SANBR: variants seen among roughly 807,000 people sequenced by gnomAD.
The protein encoded by SANBR is SANT and BTB domain regulator of CSR.
A neutral mutation model predicts 101.8 loss-of-function variants in SANBR; 77 were observed. That is an observed-to-expected ratio of 0.76 (90% CI 0.63 to 0.91). SANBR has a LOEUF of 0.91. SANBR is among the 40% of genes least tolerant of loss of function. The pLI, the probability that SANBR is intolerant of heterozygous loss-of-function variation, is 0.00. For synonymous variants in SANBR, 279 were observed against 274.7 expected (o/e 1.02, Z -0.15); for missense variants, 875 against 853.0 (o/e 1.03, Z -0.32).
At chr2:61,076,017 G>A (rs1353324510) in intron 5 of SANBR, among the ~76,000 whole-genome samples, 9 of 150,732 alleles carry the variant, frequency 6.0e-5, no homozygotes, top group African/African-American at 1.7e-4. Flanking sequence ...ATTTAGAGAC[G>A]GAGTCTTGCT....
rs1488133206 is a variant in SANBR, at chr2:61,083,142, A to G, written c.730-12A>G. ...CTACTATTTTCGACATTTATTTTCT[A>G]TGATTTTTTAGGTTGAACAGTGTAT... On this transcript the variant is annotated splice_polypyrimidine_tract_variant and intron_variant, in intron 7 of 21. Coordinates refer to ENST00000402291, the MANE Select transcript of SANBR (RefSeq NM_001129993.3). The G allele has an allele frequency of 3.8e-6, 6 of 1,588,778 alleles. No individual in the cohort carries two copies. In the Admixed American group the frequency reaches 5.2e-5, roughly 14 times the overall value.
In SANBR at chr2:61,121,251, C is replaced by T; in HGVS notation, c.2095C>T (p.Gln699Ter). ...GGCCTCAGTGCCAGTTAGTGCACGC[C>T]AAAGCAGCTCAGAGAAAAACACAAG... ...IKASVPVSAR[Q>*]SSSEKNTRSK... is the part of the protein sequence containing the mutation. The change falls in exon 21 of 22, where the codon CAA (glutamine) becomes TAA (stop). Residue 699 changes from glutamine (Q) to a stop codon, truncating the protein, a stop_gained. Coordinates refer to ENST00000402291, the MANE Select transcript of SANBR (RefSeq NM_001129993.3). LOFTEE classifies it high-confidence loss of function. The T allele has an allele frequency of 6.4e-7, 1 of 1,550,866 alleles. No homozygotes were observed. Among genetic ancestry groups the T allele is most frequent in the African/African-American group, 1.4e-5 (1 of 73,104 alleles).
chr2:61,072,960 G>A (rs1403866783), intron 4 of SANBR, among the ~76,000 whole-genome samples: 2 of 150,552 alleles, frequency 1.3e-5, no homozygotes, highest in Non-Finnish European at 2.9e-5. Flanking sequence ...CTGAGCAGCT[G>A]GAACTACACG....
chr2:61,079,842 G>A (rs1681999991), intron 6 of SANBR, among the ~76,000 whole-genome samples: 1 of 151,824 alleles, frequency 6.6e-6, no homozygotes. Context: ...AGAGGTTGCA[G>A]TGAGCAGAGA....
chr2:61,127,210 C>T (rs539786453), downstream of SANBR, among the ~76,000 whole-genome samples: 1 of 152,318 alleles, frequency 6.6e-6, no homozygotes, highest in Admixed American at 6.5e-5. Context: ...GCAGCTGACA[C>T]TAAAAACCTT....
chr2:61,127,984 T>C (rs952062194), downstream of SANBR, among the ~76,000 whole-genome samples: 2 of 152,144 alleles, frequency 1.3e-5, no homozygotes, highest in Non-Finnish European at 2.9e-5. Context: ...GAAAAATCCT[T>C]ACTTATGGCC....
At chr2:61,100,707 AC>A (rs1341475879) in intron 12 of SANBR, among the ~76,000 whole-genome samples, 3 of 152,154 alleles carry the variant, frequency 2.0e-5, no homozygotes, top group African/African-American at 7.2e-5. Flanking sequence ...AAGGGGGAAG[AC>A]AGAAGGTTCC....
rs781357989 is a variant in SANBR, at chr2:61,088,249, T to C, written c.977+4T>C. 1.3e-6 allele frequency: 2 copies of C among 1,599,546 alleles called. No individual in the cohort carries two copies. Among genetic ancestry groups the C allele is most frequent in the East Asian group, 4.5e-5 (2 of 44,666 alleles). ...GTAATGCAGCAACATTGTATAGGTATGCTAACATGTTTTTTTCTTTGGTGT... is the reference window on the plus strand; with the variant it reads ...GTAATGCAGCAACATTGTATAGGTACGCTAACATGTTTTTTTCTTTGGTGT... On this transcript the variant is annotated splice_donor_region_variant and intron_variant, in intron 9 of 21. Transcript: ENST00000402291.
intron 6 of SANBR, among the ~76,000 whole-genome samples, chr2:61,080,472 C>A (rs1682053526): frequency 6.6e-6 from 1 of 152,064 alleles, no homozygotes; most frequent in Non-Finnish European, 1.5e-5. Context: ...CCTGTAATCC[C>A]AGCACTTTGG....
intron 11 of SANBR, among the ~76,000 whole-genome samples, chr2:61,094,450 T>C (rs1390856121): frequency 1.3e-5 from 2 of 152,134 alleles, no homozygotes; most frequent in African/African-American, 4.8e-5. Flanking sequence ...TTTCATAAAT[T>C]AGTTTGTTCT....
At chr2:61,070,162 A>G (rs1681386463) in intron 2 of SANBR, among the ~76,000 whole-genome samples, 180 bp from the exon 3 acceptor site, 1 of 152,196 alleles carries the variant, frequency 6.6e-6, no homozygotes, top group South Asian at 2.1e-4. Context: ...TCAATGCATA[A>G]TATTCAAATC....
rs1682548540 is a variant in SANBR at position 61,088,231 on chromosome 2, A to C, written c.963A>C (p.Ala321=). ...EYLNPDSRSN[A]ATLYRCCLCK... is the part of the protein sequence containing the mutation. ...TGAATCCAGATTCTCGGAGTAATGC[A>C]GCAACATTGTATAGGTATGCTAACA... is the stretch of plus-strand genomic sequence containing the variant. Residue 321 remains alanine (A), a synonymous_variant, in exon 9 of 22, where the codon GCA becomes GCC. Coordinates refer to ENST00000402291, the MANE Select transcript of SANBR (RefSeq NM_001129993.3). 1.2e-6 allele frequency: 2 copies of C among 1,608,998 alleles called. No individual in the cohort carries two copies. Among genetic ancestry groups the C allele is most frequent in the African/African-American group, 2.7e-5 (2 of 74,868 alleles).
chr2:61,122,750 A>G lies in SANBR; in HGVS notation c.*588A>G, dbSNP rs1444204873. On this transcript the variant is annotated 3_prime_UTR_variant, in exon 22 of 22. Coordinates refer to ENST00000402291, the MANE Select transcript of SANBR (RefSeq NM_001129993.3). ...AGAAGGGTTAATTTTTTTCAGCATT[A>G]TATCGTGGAAAGTACAATGTTAATC... The G allele has an allele frequency of 2.6e-5, 26 of 985,240 alleles. No homozygotes were observed. The highest frequency in any genetic ancestry group is 5.2e-4 in the Middle Eastern group (1 of 1,936). 61.0% of individuals were successfully genotyped at this position (985,240 alleles called of 1,614,324 possible). A position where few individuals can be genotyped will look rare whatever the true frequency, so the allele number is the denominator to read the frequency against.
rs1342536967 is a variant in SANBR, at chr2:61,071,617, G to T, written c.162G>T (p.Arg54Ser). The stretch of plus-strand genomic sequence containing the variant: ...TTATATTATGACAGTGTGCAAAAAG[G>T]TTTGATGAATTAAAGAGCAGTGGAA... ...PGLTPKECAKRFDELKSSGSS... is the reference protein window; with the variant it reads ...PGLTPKECAKSFDELKSSGSS... The change falls in exon 4 of 22, where the codon AGG (arginine) becomes AGT (serine). Residue 54 changes from arginine (R) to serine (S), a missense_variant. Transcript: ENST00000402291. 1.9e-6 allele frequency: 3 copies of T among 1,555,180 alleles called. No individual in the cohort carries two copies. The highest frequency in any genetic ancestry group is 1.7e-6 in the Non-Finnish European group (2 of 1,159,170).
chr2:61,089,202 A>T, intron 10 of SANBR: 1 of 985,184 alleles, frequency 1.0e-6, no homozygotes, highest in Non-Finnish European at 1.2e-6. Flanking sequence ...TGTTCTTCAT[A>T]CTTTGTCAGT....
At position 61,122,259 on chromosome 2, in the gene SANBR, G is replaced by T; in HGVS notation, c.*97G>T. 7.1e-7 allele frequency: 1 copy of T among 1,414,260 alleles called. No individual in the cohort carries two copies. 87.6% of individuals were successfully genotyped at this position (1,414,260 alleles called of 1,614,324 possible). On this transcript the variant is annotated 3_prime_UTR_variant, in exon 22 of 22. Coordinates refer to ENST00000402291, the MANE Select transcript of SANBR (RefSeq NM_001129993.3). ...ATCTTCAGAACAATGACTTCCAACT[G>T]TTTTATGTTATTATTATTTTAATCC...
chr2:61,079,372 A>G (rs896758548), intron 6 of SANBR, among the ~76,000 whole-genome samples: 1 of 152,226 alleles, frequency 6.6e-6, no homozygotes, highest in African/African-American at 2.4e-5. Context: ...TTGTGGTTTA[A>G]TAGTCTTTCT....
rs1333218847 is a variant in SANBR, at chr2:61,071,594, A to G, written c.151-12A>G. 5 of 1,507,420 alleles carry G rather than the reference A, an allele frequency of 3.3e-6. No homozygotes were observed. In the Middle Eastern group the frequency reaches 7.1e-4, roughly 213 times the overall value. The allele number at this position is 1,507,420 out of a possible 1,614,324, so 93.4% of individuals were successfully genotyped here. A position where few individuals can be genotyped will look rare whatever the true frequency, so the allele number is the denominator to read the frequency against. ...CCCAAACCTCTGTTTCTTTCATTTT[A>G]TATTATGACAGTGTGCAAAAAGGTT... is the stretch of plus-strand genomic sequence containing the variant. On this transcript the variant is annotated splice_polypyrimidine_tract_variant and intron_variant, in intron 3 of 21. Coordinates refer to ENST00000402291, the MANE Select transcript of SANBR (RefSeq NM_001129993.3).
intron 20 of SANBR, among the ~76,000 whole-genome samples, chr2:61,130,758 A>G (rs1480120737): frequency 6.6e-6 from 1 of 151,366 alleles, no homozygotes; most frequent in Admixed American, 6.6e-5. Context: ...ACCAGCCTGG[A>G]CAACATGGTG....
Sources: allele counts gnomAD v4.1 joint callset (sites outside exome capture counted in the v4.1 genomes callset), GRCh38; gene constraint gnomAD v4.1.1; transcripts MANE v1.5; gene names NCBI Gene and HGNC (gene_info 2026-07-23, HGNC 2026-07-21).